TMPRSS11E: variants seen among roughly 807,000 people sequenced by gnomAD.
The protein encoded by TMPRSS11E is transmembrane serine protease 11E.
Under a neutral mutation model 48.1 loss-of-function variants are expected in TMPRSS11E, and 38 were observed. That is an observed-to-expected ratio of 0.79 (90% CI 0.61 to 1.04). The LOEUF is 1.04. TMPRSS11E is among the 50% of genes least tolerant of loss of function. TMPRSS11E has a pLI of 0.00. For synonymous variants in TMPRSS11E, 158 were observed against 171.9 expected, an observed-to-expected ratio of 0.92 and a Z score of 0.63; for missense variants, 530 against 510.8, an observed-to-expected ratio of 1.04 and a Z score of -0.36.
intron 1 of TMPRSS11E, among the ~76,000 whole-genome samples, chr4:68,454,511 T>A (rs1401038009): frequency 6.6e-6 from 1 of 151,942 alleles, no homozygotes; most frequent in African/African-American, 2.4e-5. Flanking sequence ...AAATTAAAAC[T>A]GAATTCTTAC....
intron 1 of TMPRSS11E, among the ~76,000 whole-genome samples, chr4:68,449,688 C>T (rs1167405806): frequency 6.6e-6 from 1 of 151,614 alleles, no homozygotes; most frequent in Non-Finnish European, 1.5e-5. Flanking sequence ...CTTATTTACC[C>T]TAAAGTTTGA....
chr4:68,480,547 G>A (rs1438628721), intron 9 of TMPRSS11E, among the ~76,000 whole-genome samples: 1 of 151,884 alleles, frequency 6.6e-6, no homozygotes, highest in Non-Finnish European at 1.5e-5. Context: ...TAAACATGAT[G>A]GTAATTGCTC....
chr4:68,463,808 A>T (rs1424635798), intron 2 of TMPRSS11E, among the ~76,000 whole-genome samples: 1 of 152,184 alleles, frequency 6.6e-6, no homozygotes, highest in East Asian at 1.9e-4. Context: ...TAAATACTGA[A>T]TGATAATATC....
intron 1 of TMPRSS11E, among the ~76,000 whole-genome samples, chr4:68,453,846 G>A (rs1003760643): frequency 2.0e-5 from 3 of 151,824 alleles, no homozygotes; most frequent in Non-Finnish European, 4.4e-5. Context: ...TAGGAATCTA[G>A]TCTCCTACTA....
At chr4:68,470,143 A>G (rs1729024196) in intron 4 of TMPRSS11E, among the ~76,000 whole-genome samples, 3 of 151,894 alleles carry the variant, frequency 2.0e-5, no homozygotes, top group Non-Finnish European at 4.4e-5. Flanking sequence ...GGAACTGAGC[A>G]GAAGATAGAA....
intron 4 of TMPRSS11E, 87 bp downstream of exon 4, chr4:68,469,033 A>T: frequency 9.5e-7 from 1 of 1,050,486 alleles, no homozygotes; most frequent in South Asian, 1.3e-5. Context: ...AGTGTTAAAG[A>T]TATAATTCAA....
chr4:68,467,356 A>G (rs1212345390), intron 3 of TMPRSS11E, among the ~76,000 whole-genome samples: 1 of 152,148 alleles, frequency 6.6e-6, no homozygotes, highest in African/African-American at 2.4e-5. Flanking sequence ...AGAAACTGGA[A>G]AAATTAGCAG....
rs1399403261 is a variant in TMPRSS11E, at chr4:68,478,832, A to T, written c.968-17A>T. On this transcript the variant is annotated splice_polypyrimidine_tract_variant and intron_variant, in intron 8 of 9. Coordinates refer to ENST00000305363, the MANE Select transcript of TMPRSS11E (RefSeq NM_014058.4). Reference sequence around the variant, plus strand: ...TATATGTATGTCTACAAATACAAAGACTTTTTTTTCTTTTAGGTTACAGTC... The same window carrying T: ...TATATGTATGTCTACAAATACAAAGTCTTTTTTTTCTTTTAGGTTACAGTC... The T allele has an allele frequency of 6.2e-7, 1 of 1,610,176 alleles. No individual in the cohort carries two copies.
rs1463529257 is a variant in TMPRSS11E, at chr4:68,447,893, A to G, written c.11+370A>G. On this transcript the variant is annotated intron_variant, in intron 1 of 9. Transcript: ENST00000305363. Reference sequence around the variant, plus strand: ...TTATTGAGAAACACTTTTATTTTAGAAGGTGTACATGAAAAAAAGTCTGAA... The same window carrying G: ...TTATTGAGAAACACTTTTATTTTAGGAGGTGTACATGAAAAAAAGTCTGAA... Among the ~76,000 whole-genome samples, 3 of 151,996 alleles carry G rather than the reference A, an allele frequency of 2.0e-5. No homozygotes were observed. In the East Asian group the frequency reaches 5.8e-4, roughly 29 times the overall value.
intron 5 of TMPRSS11E, among the ~76,000 whole-genome samples, chr4:68,472,823 T>C (rs1000360866): frequency 3.0e-4 from 46 of 152,044 alleles, no homozygotes; most frequent in African/African-American, 1.1e-3. Context: ...CACTTTTCTT[T>C]CTTCCCTGGT....
intron 9 of TMPRSS11E, among the ~76,000 whole-genome samples, chr4:68,495,531 TCTC>T (rs575947900): frequency 1.8e-3 from 281 of 152,296 alleles, no homozygotes; most frequent in African/African-American, 6.5e-3. Context: ...TCTTTTTATA[TCTC>T]CTCCTACATA....
chr4:68,475,181 A>G (rs1729176728), intron 6 of TMPRSS11E, among the ~76,000 whole-genome samples: 1 of 152,170 alleles, frequency 6.6e-6, no homozygotes, highest in Non-Finnish European at 1.5e-5. Context: ...GATTAATACG[A>G]AAGTGCAGGA....
intron 2 of TMPRSS11E, among the ~76,000 whole-genome samples, chr4:68,464,626 T>C (rs1728879222): frequency 6.6e-6 from 1 of 152,238 alleles, no homozygotes. Context: ...CAGGGTAAAG[T>C]AAAATACTGA....
intron 2 of TMPRSS11E, among the ~76,000 whole-genome samples, chr4:68,462,146 T>C (rs1728807826): frequency 6.6e-6 from 1 of 152,226 alleles, no homozygotes; most frequent in Non-Finnish European, 1.5e-5. Context: ...GATGTAGTGA[T>C]GCTTTCTGCT....
intron 1 of TMPRSS11E, among the ~76,000 whole-genome samples, chr4:68,448,342 A>G (rs995593252): frequency 3.3e-5 from 5 of 151,934 alleles, no homozygotes; most frequent in African/African-American, 1.2e-4. Flanking sequence ...AAAGTTCTAC[A>G]TACTTGTTAT....
chr4:68,457,972 A>T (rs1352022298), intron 1 of TMPRSS11E, among the ~76,000 whole-genome samples: 1 of 152,082 alleles, frequency 6.6e-6, no homozygotes, highest in African/African-American at 2.4e-5. Context: ...TAGGAGAAAT[A>T]CCTAATGTAG....
Position 68,452,474 on chromosome 4 carries a change from T to G in TMPRSS11E, c.11+4951T>G, listed in dbSNP as rs1269646963. ...TTACAACACTGAGAATCAGATAATT[T>G]TAATATTACCATGACTTTACAGCTA... is the stretch of plus-strand genomic sequence containing the variant. On this transcript the variant is annotated intron_variant, in intron 1 of 9. Transcript: ENST00000305363. Among the ~76,000 whole-genome samples the G allele has an allele frequency of 3.9e-5, 6 of 151,952 alleles. No individual in the cohort carries two copies. In the East Asian group the frequency reaches 1.2e-3, roughly 29 times the overall value.
At chr4:68,474,589 G>A in intron 5 of TMPRSS11E, 134 bp from the exon 6 acceptor site, 2 of 806,848 alleles carry the variant, frequency 2.5e-6, no homozygotes, top group Non-Finnish European at 4.1e-6. Flanking sequence ...TCTATGACAA[G>A]CTATGTTGCC....
At chr4:68,463,951 T>A (rs3805203) in intron 2 of TMPRSS11E, among the ~76,000 whole-genome samples, 2 of 152,142 alleles carry the variant, frequency 1.3e-5, no homozygotes, top group Non-Finnish European at 2.9e-5. Context: ...CATTTGCCTC[T>A]TCCCAAGCCA....
Sources: gnomAD v4.1 joint callset for allele counts (sites outside exome capture counted in the v4.1 genomes callset) on GRCh38, gnomAD v4.1.1 for gene constraint, MANE v1.5 for transcripts, NCBI Gene and HGNC (gene_info 2026-07-23, HGNC 2026-07-21) for gene names.